The following TTBK1 variants were observed in gnomAD, a reference collection of about 807,000 sequenced individuals.
The protein encoded by TTBK1 is tau-tubulin kinase 1.
A neutral mutation model predicts 108.5 loss-of-function variants in TTBK1; 34 were observed. That is an observed-to-expected ratio of 0.31 (90% CI 0.24 to 0.42). The LOEUF is 0.42. Among genes scored for constraint, TTBK1 ranks in the 10% least tolerant of loss-of-function variants. The pLI is 1.00. For missense variants in TTBK1, 1,539 were observed against 1,826.0 expected (o/e 0.84, Z 2.86); for synonymous variants, 809 against 795.1 (o/e 1.02, Z -0.29).
Position 43,263,211 on chromosome 6 carries a change from T to C in TTBK1, c.1847T>C (p.Leu616Pro), listed in dbSNP as rs1210381401. The C allele has an allele frequency of 1.3e-6, 2 of 1,579,152 alleles. No individual in the cohort carries two copies. Among genetic ancestry groups the C allele is most frequent in the African/African-American group, 1.3e-5 (1 of 74,368 alleles). The part of the protein sequence containing the change: ...EDLQHLPPQP[L>P]PPQLSQGDGR... ...CTGCAGCATTTGCCGCCCCAGCCCC[T>C]GCCACCCCAGCTGAGCCAGGGCGAT... Residue 616 changes from leucine (L) to proline (P), a missense_variant, in exon 13 of 15, where the codon CTG becomes CCG. Leu to Pro is a moderately conservative substitution (Grantham distance 98). This residue lies in a region of TTBK1 where 1,055 missense variants were observed against 1,086.5 expected (regional missense o/e 0.97). Coordinates refer to ENST00000259750, the MANE Select transcript of TTBK1 (RefSeq NM_032538.3). This position sits in a 1 kb window ranked among gnomAD's most constrained non-coding sequence, Gnocchi z 4.7.
intron 13 of TTBK1, among the ~76,000 whole-genome samples, chr6:43,274,232 A>C (rs866110214): frequency 1.3e-5 from 2 of 152,192 alleles, no homozygotes; most frequent in Non-Finnish European, 2.9e-5. Context: ...TCCTGAACCC[A>C]ACGATATCCC....
In TTBK1 at chr6:43,263,176, G is replaced by T; in HGVS notation, c.1812G>T (p.Ala604=). Residue 604 remains alanine, a synonymous_variant, in exon 13 of 15, where the codon GCG becomes GCT. Transcript: ENST00000259750. The surrounding 1 kb of genome is among the most constrained non-coding windows in gnomAD (Gnocchi z 4.7). The stretch of plus-strand genomic sequence containing the variant: ...GGGGACGCAGCATGCAGGCGCTGGC[G>T]GAGGAGGACCTGCAGCATTTGCCGC... ...RPRGRSMQAL[A]EEDLQHLPPQ... 1 of 1,578,192 alleles carries T rather than the reference G, an allele frequency of 6.3e-7. No individual in the cohort carries two copies. Among genetic ancestry groups the T allele is most frequent in the East Asian group, 2.3e-5 (1 of 43,564 alleles).
chr6:43,251,196 C>A (rs956292786), intron 2 of TTBK1, among the ~76,000 whole-genome samples: 5 of 152,224 alleles, frequency 3.3e-5, no homozygotes, highest in African/African-American at 9.6e-5. Flanking sequence ...TCCGCCTGGT[C>A]TTCCTCCCTC....
Position 43,271,290 on chromosome 6 carries a change from T to C in TTBK1, c.1986+7940T>C, listed in dbSNP as rs946885867. ...CGTACACTTGTGCATAAGAGTGTGC[T>C]TACGAATGAGCGTTTGTGCATGTGG... On this transcript the variant is annotated intron_variant, in intron 13 of 14. Transcript: ENST00000259750. 6 of 985,490 alleles carry C rather than the reference T, an allele frequency of 6.1e-6. No homozygotes were observed. The African/African-American group carries it at 1.0e-4, about 17-fold the overall frequency. 61.0% of individuals were successfully genotyped at this position (985,490 alleles called of 1,614,324 possible).
At position 43,259,829 on chromosome 6, in the gene TTBK1, TATA is replaced by T. The variant is rs1777490572; in HGVS notation, c.1424+124_1424+126del. Reference sequence around the variant, plus strand: ...AGACCCTGGGAAGTGCTGAGAGGGTTATACTTGGGCCTGGGGTCAGACTCAGTT... The same window carrying T: ...AGACCCTGGGAAGTGCTGAGAGGGTTCTTGGGCCTGGGGTCAGACTCAGTT... On this transcript the variant is annotated intron_variant, in intron 12 of 14. Transcript: ENST00000259750. This position sits in a 1 kb window ranked among gnomAD's most constrained non-coding sequence, Gnocchi z 6.7. 5 of 1,050,166 alleles carry T rather than the reference TATA, an allele frequency of 4.8e-6. No homozygotes were observed. The allele number at this position is 1,050,166 out of a possible 1,614,324, so 65.1% of individuals were successfully genotyped here.
intron 2 of TTBK1, 75 bp downstream of exon 2, chr6:43,246,843 G>C (rs1197549161): frequency 4.2e-6 from 5 of 1,200,708 alleles, no homozygotes; most frequent in Non-Finnish European, 5.9e-6. Flanking sequence ...TGTTAAAACC[G>C]GTGCCCTCCG....
In TTBK1 at chr6:43,273,375, C is replaced by T. The variant is rs1403787634; in HGVS notation, c.1987-9352C>T. On this transcript the variant is annotated intron_variant, in intron 13 of 14. Transcript: ENST00000259750. The surrounding 1 kb of genome is among the most constrained non-coding windows in gnomAD (Gnocchi z 4.2). ...GGGTGGCATCCAGATGGGAGTCACTCCAGAGTACTGGGGTTGGTTAAAATG... is the reference window on the plus strand; with the variant it reads ...GGGTGGCATCCAGATGGGAGTCACTTCAGAGTACTGGGGTTGGTTAAAATG... Among the ~76,000 whole-genome samples, 4 of 152,182 alleles carry T rather than the reference C, an allele frequency of 2.6e-5. No homozygotes were observed. Among genetic ancestry groups the T allele is most frequent in the African/African-American group, 9.7e-5 (4 of 41,436 alleles).
chr6:43,284,904 C>T lies in TTBK1; in HGVS notation c.3573-79C>T, dbSNP rs1582528810. 4.2e-6 allele frequency: 6 copies of T among 1,443,236 alleles called. No homozygotes were observed. The East Asian group carries it at 1.8e-4, about 43-fold the overall frequency. The allele number at this position is 1,443,236 out of a possible 1,614,324, so 89.4% of individuals were successfully genotyped here. On this transcript the variant is annotated intron_variant, in intron 14 of 14. Transcript: ENST00000259750. ...GGATGCCGGACTCCAGTGCTCAGTGCCCAGGAGGATTCTGAAATATTTCTC... is the reference window on the plus strand; with the variant it reads ...GGATGCCGGACTCCAGTGCTCAGTGTCCAGGAGGATTCTGAAATATTTCTC...
At position 43,285,092 on chromosome 6, in the gene TTBK1, C is replaced by G; in HGVS notation, c.3682C>G (p.Pro1228Ala). 2 of 1,483,932 alleles carry G rather than the reference C, an allele frequency of 1.3e-6. No individual in the cohort carries two copies. The highest frequency in any genetic ancestry group is 2.9e-5 in the East Asian group (1 of 34,210). The allele number at this position is 1,483,932 out of a possible 1,614,324, so 91.9% of individuals were successfully genotyped here. The change falls in exon 15 of 15, where the codon CCA becomes GCA. Residue 1228 changes from proline (P) to alanine (A), a missense_variant. By Grantham distance (27) the Pro-to-Ala change is conservative (BLOSUM62 -1). Transcript: ENST00000259750. This position sits in a 1 kb window ranked among gnomAD's most constrained non-coding sequence, Gnocchi z 4.7. ...GCGAGCCCAAGCCGGAGCCAGGCCC[C>G]CAGCGCCGCGCAGCCCGCGCCTCCC... is the stretch of plus-strand genomic sequence containing the variant. ...PGRAQAGARP[P>A]APRSPRLPAS...
intron 13 of TTBK1, among the ~76,000 whole-genome samples, chr6:43,266,106 G>A (rs1481160288): frequency 6.6e-6 from 1 of 152,318 alleles, no homozygotes; most frequent in Admixed American, 6.5e-5. Flanking sequence ...GTGTCTTTGG[G>A]GGTGAGGTGT....
Position 43,259,038 on chromosome 6 carries a change from G to A in TTBK1, c.1017G>A (p.Gly339=), listed in dbSNP as rs569457862. 1 of 1,610,460 alleles carries A rather than the reference G, an allele frequency of 6.2e-7. No homozygotes were observed. The highest frequency in any genetic ancestry group is 1.3e-5 in the African/African-American group (1 of 75,018). Residue 339 remains glycine, a splice_region_variant and synonymous_variant, in exon 11 of 15, where the codon GGG becomes GGA. Transcript: ENST00000259750. The surrounding 1 kb of genome is among the most constrained non-coding windows in gnomAD (Gnocchi z 6.7). ...QNTRQTAAMF[G]VVNVTPVPGD... is the part of the protein sequence containing the mutation. ...CATGGCTCCCTCCTGCCCTCTCCAG[G>A]GTGGTCAATGTGACGCCAGTGCCTG...
rs760559158 is a variant in TTBK1 at position 43,269,957 on chromosome 6, GC to G, written c.1986+6616del. On this transcript the variant is annotated intron_variant, in intron 13 of 14. Transcript: ENST00000259750. The surrounding 1 kb of genome is among the most constrained non-coding windows in gnomAD (Gnocchi z 4.8). Reference sequence around the variant, plus strand: ...GGTTCACCCACAAGACCTAGGCTGGGCCCCCCCCCTCCTGGAGGGGGCAGGT... The same window carrying G: ...GGTTCACCCACAAGACCTAGGCTGGGCCCCCCCCTCCTGGAGGGGGCAGGT... The G allele has an allele frequency of 4.1e-4, 567 of 1,383,130 alleles. No homozygotes were observed. Among genetic ancestry groups the G allele is most frequent in the Admixed American group, 1.3e-3 (45 of 34,744 alleles). The allele number at this position is 1,383,130 out of a possible 1,614,324, so 85.7% of individuals were successfully genotyped here. A position where few individuals can be genotyped will look rare whatever the true frequency, so the allele number is the denominator to read the frequency against.
rs757265518 is a variant in TTBK1, at chr6:43,283,365, G to A, written c.2625G>A (p.Thr875=). Residue 875 remains threonine (T), a synonymous_variant, in exon 14 of 15, where the codon ACG becomes ACA. Coordinates refer to ENST00000259750, the MANE Select transcript of TTBK1 (RefSeq NM_032538.3). The surrounding 1 kb of genome is among the most constrained non-coding windows in gnomAD (Gnocchi z 8.1). Reference sequence around the variant, plus strand: ...CTCAGCATGAGCGGCCCCAGCCCACGGGCAGCCAGCTGGACGTATCTGAGC... The same window carrying A: ...CTCAGCATGAGCGGCCCCAGCCCACAGGCAGCCAGCTGGACGTATCTGAGC... ...LTPQHERPQP[T]GSQLDVSEPG... 3.4e-5 allele frequency: 54 copies of A among 1,599,560 alleles called. No individual in the cohort carries two copies. Among genetic ancestry groups the A allele is most frequent in the Admixed American group, 3.3e-4 (19 of 57,928 alleles).
At position 43,258,065 on chromosome 6, in the gene TTBK1, T is replaced by C. The variant is rs183359995; in HGVS notation, c.1016+99T>C. The C allele has an allele frequency of 2.0e-3, 2,724 of 1,371,806 alleles. 4 individuals carry two copies. Among genetic ancestry groups the C allele is most frequent in the Non-Finnish European group, 2.5e-3 (2,572 of 1,025,630 alleles). The allele number at this position is 1,371,806 out of a possible 1,614,324, so 85.0% of individuals were successfully genotyped here. A position where few individuals can be genotyped will look rare whatever the true frequency, so the allele number is the denominator to read the frequency against. On this transcript the variant is annotated intron_variant, in intron 10 of 14. Transcript: ENST00000259750. ...TCCTCTCTTCCTATCTGGACACACT[T>C]GGCTATCTTTCCTATCCTTAGTGGA... is the stretch of plus-strand genomic sequence containing the variant.
intron 10 of TTBK1, among the ~76,000 whole-genome samples, chr6:43,258,399 G>A (rs1017897430): frequency 6.6e-6 from 1 of 152,140 alleles, no homozygotes; most frequent in African/African-American, 2.4e-5. Flanking sequence ...CAAAGACAGA[G>A]GTGGTCGAGG....
rs541025659 is a variant in TTBK1, at chr6:43,284,009, C to T, written c.3269C>T (p.Ala1090Val). The T allele has an allele frequency of 6.1e-5, 97 of 1,586,120 alleles. No homozygotes were observed. The East Asian group carries it at 1.4e-3, about 23-fold the overall frequency. Residue 1090 changes from alanine to valine, a missense_variant, in exon 14 of 15, where the codon GCG becomes GTG. This residue lies in a region of TTBK1 where 1,055 missense variants were observed against 1,086.5 expected (regional missense o/e 0.97). Coordinates refer to ENST00000259750, the MANE Select transcript of TTBK1 (RefSeq NM_032538.3). Reference protein sequence around the residue: ...SKRARPQQDLARLVMEKRQGR... With the variant: ...SKRARPQQDLVRLVMEKRQGR... ...CGGGCTCGGCCGCAGCAGGACCTGG[C>T]GCGGCTGGTGATGGAGAAGAGGCAG...
At chr6:43,258,917 C>A (rs1210224401) in intron 10 of TTBK1, 121 bp from the exon 11 acceptor site, 2 of 670,216 alleles carry the variant, frequency 3.0e-6, no homozygotes, top group Admixed American at 3.1e-5. Context: ...TCACCCCTGA[C>A]GGGACTGCCT....
chr6:43,281,299 C>T (rs1219558182), intron 13 of TTBK1, among the ~76,000 whole-genome samples: 1 of 151,266 alleles, frequency 6.6e-6, no homozygotes, highest in African/African-American at 2.4e-5. Context: ...TCACTTGAAC[C>T]CGGGAGGCAG....
intron 13 of TTBK1, among the ~76,000 whole-genome samples, chr6:43,275,053 T>G (rs1182322804): frequency 6.6e-6 from 1 of 151,928 alleles, no homozygotes; most frequent in Non-Finnish European, 1.5e-5. Flanking sequence ...TAACCGGCCC[T>G]CACGCACTCA....
Sources: gnomAD v4.1 joint callset for allele counts (sites outside exome capture counted in the v4.1 genomes callset) on GRCh38, gnomAD v4.1.1 for gene constraint, gnomAD v4.1.1 regional missense constraint, Gnocchi (gnomAD v3.1) non-coding constraint, MANE v1.5 for transcripts, NCBI Gene and HGNC (gene_info 2026-07-23, HGNC 2026-07-21) for gene names.